Variants in SEC24A observed in about 807,000 individuals in gnomAD.
SEC24A encodes protein transport protein Sec24A.
In SEC24A, 93 loss-of-function variants were observed where a neutral mutation model predicts 129.4. The observed-to-expected ratio is 0.72, with a 90% confidence interval of 0.61 to 0.85. SEC24A has a LOEUF of 0.85. Among genes scored for constraint, SEC24A ranks in the 40% least tolerant of loss-of-function variants. The pLI, the probability that SEC24A is intolerant of heterozygous loss-of-function variation, is 0.00. For missense variants in SEC24A, 1,264 were observed against 1,307.4 expected (o/e 0.97, Z 0.51); for synonymous variants, 460 against 467.3 (o/e 0.98, Z 0.20).
At chr5:134,719,256 G>C (rs1371273514) in intron 20 of SEC24A, among the ~76,000 whole-genome samples, 1 of 151,528 alleles carries the variant, frequency 6.6e-6, no homozygotes, top group Non-Finnish European at 1.5e-5. Flanking sequence ...GTGGCTCCAG[G>C]CTGTAGTCCC....
chr5:134,718,391 T>C (rs187566420), intron 20 of SEC24A, among the ~76,000 whole-genome samples: 3 of 152,330 alleles, frequency 2.0e-5, no homozygotes, highest in Non-Finnish European at 4.4e-5. Context: ...TCATTTAGTA[T>C]TTACTATGCT....
chr5:134,711,162 A>T (rs976994403), intron 18 of SEC24A, among the ~76,000 whole-genome samples: 20 of 151,728 alleles, frequency 1.3e-4, no homozygotes, highest in Admixed American at 1.3e-3. Context: ...ATAAAAAATA[A>T]ATAAATAAAA....
intron 18 of SEC24A, among the ~76,000 whole-genome samples, chr5:134,710,784 A>T (rs1187005027): frequency 1.3e-5 from 2 of 152,162 alleles, no homozygotes; most frequent in African/African-American, 4.8e-5. Flanking sequence ...CCAGTGTCCA[A>T]AATTGAATGT....
intron 14 of SEC24A, among the ~76,000 whole-genome samples, chr5:134,697,449 G>C (rs1751862255): frequency 6.6e-6 from 1 of 152,106 alleles, no homozygotes; most frequent in Admixed American, 6.6e-5. Flanking sequence ...ACTATTTAAA[G>C]GAATGCAGGC....
intron 21 of SEC24A, among the ~76,000 whole-genome samples, chr5:134,722,307 A>G (rs1752648996): frequency 6.6e-6 from 1 of 151,890 alleles, no homozygotes; most frequent in Non-Finnish European, 1.5e-5. Flanking sequence ...CCTGCCCAAC[A>G]TGGAGAAACC....
chr5:134,672,125 C>T (rs1411888039), intron 4 of SEC24A, among the ~76,000 whole-genome samples: 1 of 151,934 alleles, frequency 6.6e-6, no homozygotes. Flanking sequence ...TCAAGCAGTC[C>T]TCCCACCTCA....
chr5:134,695,498 A>G (rs761992975), intron 13 of SEC24A, among the ~76,000 whole-genome samples: 1 of 152,166 alleles, frequency 6.6e-6, no homozygotes, highest in African/African-American at 2.4e-5. Context: ...TTAAAAATAC[A>G]AAAATTGGCC....
At chr5:134,704,653 A>G (rs1752098673) in intron 16 of SEC24A, among the ~76,000 whole-genome samples, 1 of 151,918 alleles carries the variant, frequency 6.6e-6, no homozygotes, top group Non-Finnish European at 1.5e-5. Context: ...TATTTTTTTA[A>G]TTAGCCAGGT....
intron 19 of SEC24A, among the ~76,000 whole-genome samples, chr5:134,716,827 A>T (rs563419771): frequency 6.6e-6 from 1 of 150,594 alleles, no homozygotes; most frequent in East Asian, 1.9e-4. Context: ...AGAATTTAAG[A>T]TACTTTACAT....
chr5:134,668,310 C>T (rs989198783), intron 3 of SEC24A, among the ~76,000 whole-genome samples: 7 of 151,926 alleles, frequency 4.6e-5, no homozygotes, highest in Non-Finnish European at 7.4e-5. Flanking sequence ...GTAACAAGGC[C>T]GGGCGTGGTG....
Position 134,648,908 on chromosome 5 carries a change from G to A in SEC24A, c.-169G>A. The stretch of plus-strand genomic sequence containing the variant: ...CCAGGCTAGGCTGTGGCCGCCGGTG[G>A]CCTGGGGAGAGTGCGGCGCCATGCC... On this transcript the variant is annotated 5_prime_UTR_variant, in exon 1 of 23. Transcript: ENST00000398844. The A allele has an allele frequency of 2.0e-6, 1 of 509,000 alleles. No individual in the cohort carries two copies. 31.5% of individuals were successfully genotyped at this position (509,000 alleles called of 1,614,324 possible).
chr5:134,650,761 TTTTGTTTGTTTG>T (rs57886709), intron 1 of SEC24A, among the ~76,000 whole-genome samples: 1 of 151,868 alleles, frequency 6.6e-6, no homozygotes, highest in Admixed American at 6.6e-5. Context: ...CTACAGGGTT[TTTTGTTTGTTTG>T]TTTGTTTGTT....
chr5:134,662,636 T>G (rs1228828116), intron 2 of SEC24A, among the ~76,000 whole-genome samples: 1 of 152,194 alleles, frequency 6.6e-6, no homozygotes. Flanking sequence ...GGCTGAAACT[T>G]TATTTTTCCA....
At chr5:134,680,440 C>T (rs1045966875) in intron 8 of SEC24A, among the ~76,000 whole-genome samples, 2 of 152,088 alleles carry the variant, frequency 1.3e-5, no homozygotes, top group Non-Finnish European at 1.5e-5. Context: ...TCAAGCGATT[C>T]TCCTGCCTCA....
chr5:134,666,474 T>A (rs1347935037), intron 2 of SEC24A, among the ~76,000 whole-genome samples: 1 of 152,044 alleles, frequency 6.6e-6, no homozygotes, highest in Non-Finnish European at 1.5e-5. Flanking sequence ...GGGGAAGCTC[T>A]TGAACCCGGG....
intron 19 of SEC24A, among the ~76,000 whole-genome samples, chr5:134,717,449 G>C (rs1752508854): frequency 6.6e-6 from 1 of 151,936 alleles, no homozygotes; most frequent in Non-Finnish European, 1.5e-5. Flanking sequence ...GGAGGTTGCG[G>C]TGAGCCAAGA....
intron 13 of SEC24A, among the ~76,000 whole-genome samples, chr5:134,696,699 C>T (rs763153796): frequency 7.2e-5 from 11 of 151,938 alleles, no homozygotes; most frequent in Non-Finnish European, 1.2e-4. Context: ...GGGGTTTCAC[C>T]ATGTTAGCCA....
intron 11 of SEC24A, 137 bp downstream of exon 11, chr5:134,688,436 A>G: frequency 1.6e-6 from 1 of 621,956 alleles, no homozygotes; most frequent in Non-Finnish European, 2.8e-6. Context: ...TGGAGTTGTA[A>G]GAGTCTTTCA....
In SEC24A at chr5:134,724,981, G is replaced by T. The variant is rs1402757728; in HGVS notation, c.3169G>T (p.Asp1057Tyr). The T allele has an allele frequency of 6.4e-7, 1 of 1,571,458 alleles. No homozygotes were observed. The highest frequency in any genetic ancestry group is 1.1e-5 in the South Asian group (1 of 89,456). The change falls in exon 23 of 23, where the codon GAT becomes TAT. Residue 1057 changes from aspartate to tyrosine, a missense_variant and splice_region_variant. Transcript: ENST00000398844. Reference sequence around the variant, plus strand: ...ATTTTTTTGCCTTTTATTCCTAAGGGATGAGAGTCCAATGAAAGCAAACTT... The same window carrying T: ...ATTTTTTTGCCTTTTATTCCTAAGGTATGAGAGTCCAATGAAAGCAAACTT... ...PFFPILYVIR[D>Y]ESPMKANFLQ... is the part of the protein sequence containing the mutation.
Sources: allele counts gnomAD v4.1 joint callset (sites outside exome capture counted in the v4.1 genomes callset), GRCh38; gene constraint gnomAD v4.1.1; transcripts MANE v1.5; gene names NCBI Gene and HGNC (gene_info 2026-07-23, HGNC 2026-07-21).